Variants in PGM2 observed in about 807,000 individuals in gnomAD.
PGM2 encodes the protein phosphoglucomutase 2.
Under a neutral mutation model 74.6 loss-of-function variants are expected in PGM2, and 57 were observed. The observed-to-expected ratio is 0.76, with a 90% CI of 0.62 to 0.95. The LOEUF is 0.95. Ranked by LOEUF, PGM2 falls within the 40% of genes least tolerant of loss-of-function variation. The pLI is 0.00. For missense variants in PGM2, 706 were observed against 741.9 expected (o/e 0.95, Z 0.56); for synonymous variants, 273 against 260.7 (o/e 1.05, Z -0.46).
chr4:37,829,450 A>C (rs980971933), intron 1 of PGM2, among the ~76,000 whole-genome samples: 3 of 152,210 alleles, frequency 2.0e-5, no homozygotes, highest in Non-Finnish European at 2.9e-5. Context: ...GTTTTGACTT[A>C]AGTTGTGTAA....
intron 13 of PGM2, 28 bp from the exon 14 acceptor site, chr4:37,861,482 C>G (rs749570954): frequency 7.0e-5 from 103 of 1,475,774 alleles, no homozygotes; most frequent in Non-Finnish European, 9.1e-5. Context: ...ATCCCTTGAC[C>G]TGGATTTTTT....
chr4:37,834,712 G>T lies in PGM2; in HGVS notation c.344G>T (p.Gly115Val), dbSNP rs761649243. The T allele has an allele frequency of 1.3e-6, 2 of 1,482,002 alleles. No homozygotes were observed. The highest frequency in any genetic ancestry group is 2.3e-5 in the South Asian group (2 of 86,156). The allele number at this position is 1,482,002 out of a possible 1,614,324, so 91.8% of individuals were successfully genotyped here. Residue 115 changes from glycine (G) to valine (V), a missense_variant, in exon 3 of 14, where the codon GGT becomes GTT. Physicochemically the swap from Gly to Val is moderately radical, Grantham distance 109. Transcript: ENST00000381967. ...FDARAHPSSG[G>V]SSRRFARLAA... ...GCCCGAGCTCATCCATCCAGTGGGG[G>T]TAGCAGCAGAAGGTATTTAAACATT...
Position 37,847,065 on chromosome 4 carries a change from C to T in PGM2, c.1142C>T (p.Ser381Phe). Reference sequence around the variant, plus strand: ...TACATGTTGTCCAGCACCGTCTCCTCCAAAATCTTGCGGGCCATTGCCTTA... The same window carrying T: ...TACATGTTGTCCAGCACCGTCTCCTTCAAAATCTTGCGGGCCATTGCCTTA... The part of the protein sequence containing the change: ...DTYMLSSTVS[S>F]KILRAIALKE... The change falls in exon 9 of 14, where the codon TCC becomes TTC. Residue 381 changes from serine (S) to phenylalanine (F), a missense_variant. By Grantham distance (155) the Ser-to-Phe change is radical. Transcript: ENST00000381967. 1 of 1,613,862 alleles carries T rather than the reference C, an allele frequency of 6.2e-7. No homozygotes were observed. Among genetic ancestry groups the T allele is most frequent in the African/African-American group, 1.3e-5 (1 of 75,018 alleles).
chr4:37,840,028 A>G (rs766815356), intron 5 of PGM2, 38 bp from the exon 6 acceptor site: 47 of 1,571,130 alleles, frequency 3.0e-5, no homozygotes, highest in Non-Finnish European at 4.0e-5. Flanking sequence ...TATTTCCATT[A>G]ACTGTAAACC....
intron 1 of PGM2, among the ~76,000 whole-genome samples, chr4:37,827,938 C>T (rs1725341046): frequency 1.3e-5 from 2 of 152,228 alleles, no homozygotes; most frequent in Non-Finnish European, 2.9e-5. Flanking sequence ...TCTATTCTCA[C>T]TACCTTGGTT....
chr4:37,844,292 T>C (rs1725805201), intron 6 of PGM2, 72 bp from the exon 7 acceptor site: 1 of 930,500 alleles, frequency 1.1e-6, no homozygotes, highest in Non-Finnish European at 1.6e-6. Flanking sequence ...TCTTGTGCAT[T>C]CTTGCAAACC....
chr4:37,826,754 G>A lies in PGM2; in HGVS notation c.22G>A (p.Gly8Ser). The A allele has an allele frequency of 6.5e-7, 1 of 1,550,018 alleles. No homozygotes were observed. The highest frequency in any genetic ancestry group is 1.4e-5 in the African/African-American group (1 of 73,062). The part of the protein sequence containing the change: MAAPEGS[G>S]LGEDARLDQE... ...AGCGATGGCGGCTCCAGAAGGCAGC[G>A]GTCTAGGCGAGGACGCCCGGCTGGA... is the stretch of plus-strand genomic sequence containing the variant. Residue 8 changes from glycine (G) to serine (S), a missense_variant, in exon 1 of 14, where the codon GGT (glycine) becomes AGT (serine). Physicochemically the swap from Gly to Ser is moderately conservative, Grantham distance 56. This residue lies in a region of PGM2 where 332 missense variants were observed against 334.9 expected (regional missense o/e 0.99). Transcript: ENST00000381967.
chr4:37,847,766 A>G (rs1725917609), intron 10 of PGM2, among the ~76,000 whole-genome samples: 1 of 152,250 alleles, frequency 6.6e-6, no homozygotes, highest in Non-Finnish European at 1.5e-5. Flanking sequence ...TCCAGCCAGA[A>G]TGACAGAAAA....
At chr4:37,828,001 C>T (rs890467667) in intron 1 of PGM2, among the ~76,000 whole-genome samples, 4 of 152,148 alleles carry the variant, frequency 2.6e-5, no homozygotes, top group African/African-American at 9.7e-5. Context: ...CACTGAAATA[C>T]TTGAATGAAC....
At chr4:37,856,199 C>CATG (rs1726190436) in intron 13 of PGM2, among the ~76,000 whole-genome samples, 1 of 151,932 alleles carries the variant, frequency 6.6e-6, no homozygotes, top group Admixed American at 6.6e-5. Flanking sequence ...TCCTGGCTAA[C>CATG]ACGGTGAAAC....
chr4:37,844,143 C>A (rs960123651), intron 6 of PGM2, among the ~76,000 whole-genome samples: 2 of 151,958 alleles, frequency 1.3e-5, no homozygotes, highest in Admixed American at 1.3e-4. Flanking sequence ...AAAACAAAAC[C>A]TGAAATAATC....
chr4:37,846,311 T>C (rs1465806825), intron 8 of PGM2, among the ~76,000 whole-genome samples: 1 of 150,124 alleles, frequency 6.7e-6, no homozygotes, highest in African/African-American at 2.5e-5. Context: ...GGCAGGAGGG[T>C]GCTGCTGCTG....
At chr4:37,829,934 T>C (rs767804015) in intron 1 of PGM2, 30 bp from the exon 2 acceptor site, 1 of 1,454,708 alleles carries the variant, frequency 6.9e-7, no homozygotes, top group Non-Finnish European at 9.3e-7. Context: ...TTCACTTGTC[T>C]GGCTGTGTCT....
intron 13 of PGM2, among the ~76,000 whole-genome samples, chr4:37,856,320 G>C (rs553222049): frequency 1.3e-5 from 2 of 152,286 alleles, no homozygotes; most frequent in East Asian, 3.9e-4. Flanking sequence ...GGTAGGCGGA[G>C]CTTGCAGTGA....
intron 6 of PGM2, among the ~76,000 whole-genome samples, chr4:37,841,100 A>ATATGTGTG (rs1202149456): frequency 8.6e-5 from 10 of 115,752 alleles, no homozygotes; most frequent in East Asian, 3.0e-4. Flanking sequence ...ATATATATAT[A>ATATGTGTG]TGTGTGTGTG....
chr4:37,859,536 A>G (rs948715085), intron 13 of PGM2, among the ~76,000 whole-genome samples: 2 of 152,178 alleles, frequency 1.3e-5, no homozygotes, highest in Non-Finnish European at 2.9e-5. Flanking sequence ...CCTTTCAGAT[A>G]GAATCTAGCC....
chr4:37,834,793 C>A, intron 3 of PGM2, 69 bp downstream of exon 3: 1 of 750,396 alleles, frequency 1.3e-6, no homozygotes, highest in Non-Finnish European at 2.3e-6. Context: ...ATCACCATCT[C>A]AATAACTTGA....
In PGM2 at chr4:37,851,961, G is replaced by GTTTTCTTTCTTTTTTTTTTT. The variant is rs1430228977; in HGVS notation, c.1602+1591_1602+1592insTCTTTCTTTTTTTTTTTTTT. Among the ~76,000 whole-genome samples the GTTTTCTTTCTTTTTTTTTTT allele has an allele frequency of 1.8e-4, 25 of 135,338 alleles. 9 individuals carry two copies. The highest frequency in any genetic ancestry group is 2.3e-4 in the Admixed American group (3 of 13,032). 88.8% of individuals were successfully genotyped at this position (135,338 alleles called of 152,430 possible). A position where few individuals can be genotyped will look rare whatever the true frequency, so the allele number is the denominator to read the frequency against. On this transcript the variant is annotated intron_variant, in intron 12 of 13. Coordinates refer to ENST00000381967, the MANE Select transcript of PGM2 (RefSeq NM_018290.4). The stretch of plus-strand genomic sequence containing the variant: ...ATTGTATTTCCTGTACCTTTTGTTT[G>GTTTTCTTTCTTTTTTTTTTT]TTTGTTTTCTTTTTTTTTGGAGACA...
At chr4:37,858,513 G>GTTT (rs34291894) in intron 13 of PGM2, among the ~76,000 whole-genome samples, 8 of 135,056 alleles carry the variant, frequency 5.9e-5, no homozygotes, top group East Asian at 2.1e-4. Flanking sequence ...ATTTTTTGGT[G>GTTT]TTTTTTTTTT....
Sources: gnomAD v4.1 joint callset for allele counts (sites outside exome capture counted in the v4.1 genomes callset) on GRCh38, gnomAD v4.1.1 for gene constraint, gnomAD v4.1.1 regional missense constraint, MANE v1.5 for transcripts, NCBI Gene and HGNC (gene_info 2026-07-23, HGNC 2026-07-21) for gene names.